APP: variants seen among roughly 807,000 people sequenced by gnomAD.
APP encodes the protein amyloid beta precursor protein.
APP carries 31 observed loss-of-function variants against 101.4 expected under a neutral mutation model. The observed-to-expected ratio is 0.31, with a 90% CI of 0.23 to 0.41. APP has a LOEUF of 0.41. Ranked by LOEUF, APP falls within the 10% of genes least tolerant of loss-of-function variation. The pLI is 1.00. For synonymous variants in APP, 366 were observed against 364.4 expected, an observed-to-expected ratio of 1.00 and a Z score of -0.05; for missense variants, 839 against 1,003.7, an observed-to-expected ratio of 0.84 and a Z score of 2.22.
intron 1 of APP, among the ~76,000 whole-genome samples, chr21:26,120,981 C>A (rs1271903235): frequency 0.13 from 8 of 60 alleles, no homozygotes; most frequent in South Asian, 0.44. Context: ...GCTCTTGCCA[C>A]ACGTAGGCTC....
intron 11 of APP, among the ~76,000 whole-genome samples, chr21:25,968,882 TA>T (rs1314986643): frequency 2.6e-5 from 4 of 152,188 alleles, no homozygotes; most frequent in Non-Finnish European, 5.9e-5. Context: ...TTGATTTACT[TA>T]TATTCAAATA....
At chr21:25,897,420 A>AT (rs1483714267) in intron 16 of APP, among the ~76,000 whole-genome samples, 153 bp downstream of exon 16, 1 of 152,102 alleles carries the variant, frequency 6.6e-6, no homozygotes, top group African/African-American at 2.4e-5. Flanking sequence ...AGCCTAGCCT[A>AT]TTTATTTTCT....
intron 13 of APP, among the ~76,000 whole-genome samples, chr21:25,949,465 G>C (rs1028576112): frequency 6.6e-6 from 1 of 152,206 alleles, no homozygotes; most frequent in Non-Finnish European, 1.5e-5. Flanking sequence ...GCCTAGGAAA[G>C]AAATTTGTTT....
intron 13 of APP, among the ~76,000 whole-genome samples, chr21:25,923,288 C>T (rs1206316547): frequency 6.9e-6 from 1 of 144,750 alleles, no homozygotes; most frequent in South Asian, 2.2e-4. Flanking sequence ...TAGAAGAAAA[C>T]CTAGGCATTA....
At chr21:26,032,207 T>C (rs1385755321) in intron 5 of APP, among the ~76,000 whole-genome samples, 6 of 152,212 alleles carry the variant, frequency 3.9e-5, no homozygotes, top group African/African-American at 1.4e-4. Context: ...TTGGTAAGTA[T>C]TAAGTATCTT....
At chr21:26,016,937 C>A (rs145525432) in intron 6 of APP, among the ~76,000 whole-genome samples, 3,674 of 8,198 alleles carry the variant, frequency 0.45, 532 homozygotes, top group African/African-American at 0.53. Flanking sequence ...TTGTGGGGGG[C>A]GGGGGGCGGG....
intron 5 of APP, among the ~76,000 whole-genome samples, chr21:26,049,933 G>A (rs1775252543): frequency 6.6e-6 from 1 of 152,198 alleles, no homozygotes; most frequent in South Asian, 2.1e-4. Context: ...GAAATGGGAT[G>A]TAAATGAAGG....
chr21:26,090,304 T>C (rs755478600), intron 2 of APP, among the ~76,000 whole-genome samples: 20 of 152,220 alleles, frequency 1.3e-4, no homozygotes, highest in Non-Finnish European at 2.5e-4. Flanking sequence ...AATACTCCAA[T>C]GAGCATTTCC....
intron 9 of APP, among the ~76,000 whole-genome samples, chr21:25,980,362 G>A (rs2042382118): frequency 1.3e-5 from 2 of 152,350 alleles, no homozygotes. Context: ...GAGATAGGAT[G>A]TAAATTCAAA....
chr21:26,150,046 G>A (rs571259361), intron 1 of APP, among the ~76,000 whole-genome samples: 5 of 152,206 alleles, frequency 3.3e-5, no homozygotes, highest in South Asian at 4.2e-4. Context: ...AGACAGATTC[G>A]CAGGGGAAAA....
intron 6 of APP, among the ~76,000 whole-genome samples, chr21:26,020,879 A>G (rs752503827): frequency 2.6e-5 from 4 of 152,220 alleles, no homozygotes; most frequent in Non-Finnish European, 5.9e-5. Context: ...TTTAGTTCAC[A>G]ATATTTGCAA....
chr21:26,169,604 G>C (rs2063694993), intron 1 of APP, among the ~76,000 whole-genome samples: 1 of 152,246 alleles, frequency 6.6e-6, no homozygotes, highest in Non-Finnish European at 1.5e-5. Flanking sequence ...GGGAAGCAGA[G>C]GGGCCCCGAG....
chr21:26,060,622 G>A (rs574294306), intron 3 of APP, among the ~76,000 whole-genome samples: 2 of 152,330 alleles, frequency 1.3e-5, no homozygotes, highest in South Asian at 2.1e-4. Flanking sequence ...AGAGAAAGGG[G>A]TGGTTTGTTT....
At chr21:25,951,763 T>C (rs932757350) in intron 13 of APP, among the ~76,000 whole-genome samples, 1 of 152,182 alleles carries the variant, frequency 6.6e-6, no homozygotes, top group Non-Finnish European at 1.5e-5. Context: ...TTTAAACACA[T>C]ACAAAAGTAA....
At chr21:25,997,896 A>G (rs1427842544) in intron 7 of APP, among the ~76,000 whole-genome samples, 1 of 152,142 alleles carries the variant, frequency 6.6e-6, no homozygotes, top group East Asian at 1.9e-4. Context: ...AATCAGGCAT[A>G]GCTAGCCTCA....
intron 1 of APP, among the ~76,000 whole-genome samples, chr21:26,125,005 CA>C (rs749631726): frequency 1.3e-5 from 2 of 152,192 alleles, no homozygotes; most frequent in Non-Finnish European, 2.9e-5. Flanking sequence ...AGAGGTCTGG[CA>C]AGGGTACACC....
intron 12 of APP, among the ~76,000 whole-genome samples, chr21:25,955,050 T>A (rs2000719): frequency 1 from 152,049 of 152,050 alleles, 76,024 homozygotes; most frequent in Non-Finnish European, 1. Flanking sequence ...GAGGCTCTCT[T>A]AACAGGACCC....
At chr21:26,103,629 A>G (rs2062114238) in intron 2 of APP, among the ~76,000 whole-genome samples, 1 of 152,188 alleles carries the variant, frequency 6.6e-6, no homozygotes, top group African/African-American at 2.4e-5. Context: ...AAAGAATTCT[A>G]TCAATGGATA....
intron 11 of APP, among the ~76,000 whole-genome samples, chr21:25,965,513 G>A (rs530099883): frequency 6.6e-6 from 1 of 152,194 alleles, no homozygotes. Context: ...CCTAGGCAGT[G>A]TTATGACCTA....
Sources: allele counts gnomAD v4.1 joint callset (sites outside exome capture counted in the v4.1 genomes callset), GRCh38; gene constraint gnomAD v4.1.1; transcripts MANE v1.5; gene names NCBI Gene and HGNC (gene_info 2026-07-23, HGNC 2026-07-21).